ACTN1: variants seen among roughly 807,000 people sequenced by gnomAD.
ACTN1 encodes actinin alpha 1.
ACTN1 carries 30 observed loss-of-function variants against 119.6 expected under a neutral mutation model. The ratio of observed to expected loss-of-function variants is 0.25; its 90% CI spans 0.19 to 0.34. ACTN1 has a LOEUF of 0.34. Ranked by LOEUF, ACTN1 falls within the 10% of genes least tolerant of loss-of-function variation. ACTN1 has a pLI of 1.00. For synonymous variants in ACTN1, 429 were observed against 472.6 expected (o/e 0.91, Z 1.20); for missense variants, 764 against 1,223.4 (o/e 0.62, Z 5.60).
At chr14:68,935,092 C>T (rs1032214728) in intron 1 of ACTN1, among the ~76,000 whole-genome samples, 1 of 151,442 alleles carries the variant, frequency 6.6e-6, no homozygotes, top group East Asian at 2.0e-4. Flanking sequence ...GCACAATCTC[C>T]GCTCACTGCA....
chr14:68,922,387 A>C (rs2034697720), intron 2 of ACTN1, among the ~76,000 whole-genome samples: 1 of 152,168 alleles, frequency 6.6e-6, no homozygotes, highest in Admixed American at 6.5e-5. Flanking sequence ...TTTTAAATTA[A>C]ATCAAGACTT....
chr14:68,977,888 C>T, intron 1 of ACTN1: 1 of 453,132 alleles, frequency 2.2e-6, no homozygotes, highest in Non-Finnish European at 4.4e-6. Context: ...AGTGGGCAGC[C>T]GGGAGGAGGG....
chr14:68,954,244 T>G (rs1278236720), intron 1 of ACTN1, among the ~76,000 whole-genome samples: 4 of 152,246 alleles, frequency 2.6e-5, no homozygotes, highest in African/African-American at 9.6e-5. Context: ...GATAGTTTGT[T>G]AAATTCCTTC....
At chr14:68,962,782 T>A (rs2036581784) in intron 1 of ACTN1, among the ~76,000 whole-genome samples, 1 of 152,246 alleles carries the variant, frequency 6.6e-6, no homozygotes, top group Admixed American at 6.5e-5. Flanking sequence ...AATCAAATAG[T>A]CCTGATACAG....
intron 1 of ACTN1, among the ~76,000 whole-genome samples, chr14:68,928,117 C>A (rs148938198): frequency 6.6e-6 from 1 of 152,200 alleles, no homozygotes; most frequent in Admixed American, 6.5e-5. Context: ...TGAGCCCACC[C>A]GCCCAGCTGG....
In ACTN1 at chr14:68,925,756, T is replaced by G; in HGVS notation, c.106-84A>C. Reference sequence around the variant, plus strand: ...CAAGCCATTTAATGGTGCCAGGGGGTGGGAGGTGGACACCTACTCAGCAGA... The same window carrying G: ...CAAGCCATTTAATGGTGCCAGGGGGGGGGAGGTGGACACCTACTCAGCAGA... On this transcript the variant is annotated intron_variant, in intron 1 of 21. Transcript: ENST00000394419. The surrounding 1 kb of genome is among the most constrained non-coding windows in gnomAD (Gnocchi z 4.3). 1 of 1,098,366 alleles carries G rather than the reference T, an allele frequency of 9.1e-7. No individual in the cohort carries two copies. The allele number at this position is 1,098,366 out of a possible 1,614,324, so 68.0% of individuals were successfully genotyped here. A position where few individuals can be genotyped will look rare whatever the true frequency, so the allele number is the denominator to read the frequency against.
intron 1 of ACTN1, chr14:68,936,888 TC>T: frequency 1.7e-6 from 1 of 571,714 alleles, no homozygotes. Context: ...AAGCCCTCAA[TC>T]CCCAGCCCTC....
chr14:68,960,794 G>T (rs1037716997), intron 1 of ACTN1, among the ~76,000 whole-genome samples: 18 of 152,082 alleles, frequency 1.2e-4, no homozygotes, highest in African/African-American at 3.9e-4. Flanking sequence ...CTGAAGGAAG[G>T]GGGTGTGGTG....
Position 68,874,682 on chromosome 14 carries a change from G to A in ACTN1, c.*177C>T, listed in dbSNP as rs541725585. The A allele has an allele frequency of 2.3e-5, 12 of 525,388 alleles. No individual in the cohort carries two copies. In the South Asian group the frequency reaches 1.1e-3, roughly 48 times the overall value. 32.5% of individuals were successfully genotyped at this position (525,388 alleles called of 1,614,324 possible). On this transcript the variant is annotated 3_prime_UTR_variant, in exon 22 of 22. Coordinates refer to ENST00000394419, the MANE Select transcript of ACTN1 (RefSeq NM_001130004.2). Reference sequence around the variant, plus strand: ...TTAACGTAACTTTTTTTTCTTTTTTGCAGAAAATAATTTTGTAAACTGTCA... The same window carrying A: ...TTAACGTAACTTTTTTTTCTTTTTTACAGAAAATAATTTTGTAAACTGTCA...
intron 4 of ACTN1, among the ~76,000 whole-genome samples, chr14:68,910,739 A>C (rs1429540012): frequency 1.3e-5 from 2 of 152,092 alleles, no homozygotes; most frequent in African/African-American, 2.4e-5. Context: ...TGTGGGAGAG[A>C]GACGGTGGGA....
intron 8 of ACTN1, among the ~76,000 whole-genome samples, chr14:68,895,583 G>A (rs2140182627): frequency 6.6e-6 from 1 of 152,282 alleles, no homozygotes; most frequent in African/African-American, 2.4e-5. Flanking sequence ...ATGTTTTTGT[G>A]AGGATGTGCC....
intron 21 of ACTN1, among the ~76,000 whole-genome samples, chr14:68,876,075 C>A (rs141501679): frequency 0.032 from 4,934 of 152,308 alleles, 118 homozygotes; most frequent in South Asian, 0.072. Context: ...TGGCTCACTG[C>A]AACCTCCACC....
chr14:68,968,965 C>T (rs886151987), intron 1 of ACTN1, among the ~76,000 whole-genome samples: 3 of 152,144 alleles, frequency 2.0e-5, no homozygotes, highest in African/African-American at 4.8e-5. Context: ...AGCTTGCTTC[C>T]GAACCAGTGG....
chr14:68,978,553 G>A (rs774828781), intron 1 of ACTN1: 8 of 285,680 alleles, frequency 2.8e-5, no homozygotes, highest in Non-Finnish European at 4.1e-5. Context: ...GGTGGCCAGG[G>A]GCGGAAGAAA....
intron 2 of ACTN1, among the ~76,000 whole-genome samples, chr14:68,924,113 CG>C (rs1377807687): frequency 1.3e-5 from 2 of 152,078 alleles, no homozygotes; most frequent in South Asian, 2.1e-4. Context: ...AGGGGAGGGC[CG>C]GGGGGAGCGG....
intron 4 of ACTN1, among the ~76,000 whole-genome samples, chr14:68,910,570 G>A (rs1217538373): frequency 6.6e-6 from 1 of 152,190 alleles, no homozygotes; most frequent in Non-Finnish European, 1.5e-5. Flanking sequence ...TGTGTGTGAA[G>A]CAGCCACGTG....
chr14:68,934,458 G>C (rs966353244), intron 1 of ACTN1, among the ~76,000 whole-genome samples: 6 of 152,242 alleles, frequency 3.9e-5, no homozygotes, highest in Non-Finnish European at 8.8e-5. Context: ...GTGCAAAGTA[G>C]TTTTCTGATC....
At chr14:68,954,159 T>C (rs1396547615) in intron 1 of ACTN1, among the ~76,000 whole-genome samples, 1 of 152,182 alleles carries the variant, frequency 6.6e-6, no homozygotes, top group African/African-American at 2.4e-5. Context: ...TTGAATATTT[T>C]ATTCCTGTAT....
At chr14:68,964,133 A>C (rs78894499) in intron 1 of ACTN1, among the ~76,000 whole-genome samples, 2 of 152,206 alleles carry the variant, frequency 1.3e-5, no homozygotes, top group East Asian at 3.8e-4. Context: ...GGGCTCCAGC[A>C]CTGCCTCTCC....
Sources: allele counts gnomAD v4.1 joint callset (sites outside exome capture counted in the v4.1 genomes callset), GRCh38; gene constraint gnomAD v4.1.1; non-coding constraint Gnocchi (gnomAD v3.1); transcripts MANE v1.5; gene names NCBI Gene and HGNC (gene_info 2026-07-23, HGNC 2026-07-21).